KCNB2: variants seen among roughly 807,000 people sequenced by gnomAD.
KCNB2 encodes the protein delayed rectifier potassium channel protein.
KCNB2 carries 15 observed loss-of-function variants against 61.5 expected under a neutral mutation model. The ratio of observed to expected loss-of-function variants is 0.24; its 90% CI spans 0.16 to 0.38. The LOEUF (loss-of-function observed/expected upper bound fraction) is 0.38, where lower values mean the gene tolerates loss of function less well. KCNB2 is among the 10% of genes least tolerant of loss of function. The pLI is 1.00. For missense variants in KCNB2, 828 were observed against 1,125.2 expected, an observed-to-expected ratio of 0.74 and a Z score of 3.78; for synonymous variants, 457 against 446.0, an observed-to-expected ratio of 1.02 and a Z score of -0.31.
chr8:72,775,635 C>A (rs1334467703), intron 2 of KCNB2, among the ~76,000 whole-genome samples: 1 of 151,880 alleles, frequency 6.6e-6, no homozygotes, highest in East Asian at 1.9e-4. Context: ...CTTGGAGCAA[C>A]AGCAGAGAAG....
chr8:72,589,030 C>G (rs1334919319), intron 2 of KCNB2, among the ~76,000 whole-genome samples: 1 of 152,134 alleles, frequency 6.6e-6, no homozygotes, highest in African/African-American at 2.4e-5. Context: ...GCACACTGCT[C>G]CACTCAGGCA....
chr8:72,551,600 C>T (rs1250559444), intron 1 of KCNB2, among the ~76,000 whole-genome samples: 1 of 152,138 alleles, frequency 6.6e-6, no homozygotes, highest in Non-Finnish European at 1.5e-5. Flanking sequence ...TCTCTGAACT[C>T]AGGTCAAAAA....
At chr8:72,782,369 C>T (rs577874426) in intron 2 of KCNB2, among the ~76,000 whole-genome samples, 5 of 151,998 alleles carry the variant, frequency 3.3e-5, no homozygotes, top group Admixed American at 6.6e-5. Flanking sequence ...ATGTGTGTTC[C>T]GAGCTAGAGA....
intron 2 of KCNB2, among the ~76,000 whole-genome samples, chr8:72,585,364 C>T (rs1228103535): frequency 6.6e-6 from 1 of 152,164 alleles, no homozygotes; most frequent in Non-Finnish European, 1.5e-5. Flanking sequence ...TTCTTGACTG[C>T]ATTTTCTGTG....
At chr8:72,672,373 T>C (rs1284037592) in intron 2 of KCNB2, among the ~76,000 whole-genome samples, 4 of 152,190 alleles carry the variant, frequency 2.6e-5, no homozygotes, top group Non-Finnish European at 4.4e-5. Flanking sequence ...CCACTACAGT[T>C]GCAGCAAATT....
intron 2 of KCNB2, among the ~76,000 whole-genome samples, chr8:72,583,987 A>C (rs1378331739): frequency 1.3e-5 from 2 of 151,322 alleles, no homozygotes; most frequent in African/African-American, 4.8e-5. Context: ...CAAACCCAAA[A>C]CCAAAAATAC....
intron 2 of KCNB2, among the ~76,000 whole-genome samples, chr8:72,894,931 A>C (rs760022584): frequency 3.3e-5 from 5 of 152,188 alleles, no homozygotes; most frequent in Non-Finnish European, 5.9e-5. Flanking sequence ...TAATCAGGTG[A>C]GAATTTTCAT....
chr8:72,938,221 T>C lies in KCNB2; in HGVS notation c.*130T>C, dbSNP rs1806973181. 1.4e-6 allele frequency: 1 copy of C among 690,322 alleles called. No individual in the cohort carries two copies. Among genetic ancestry groups the C allele is most frequent in the South Asian group, 1.9e-5 (1 of 52,128 alleles). The allele number at this position is 690,322 out of a possible 1,614,324, so 42.8% of individuals were successfully genotyped here. A position where few individuals can be genotyped will look rare whatever the true frequency, so the allele number is the denominator to read the frequency against. The stretch of plus-strand genomic sequence containing the variant: ...CCCAAAAAAAGTGCATAAAATGTTA[T>C]TTTTGCATGGCATGAACAGTTTAGC... On this transcript the variant is annotated 3_prime_UTR_variant, in exon 3 of 3. Transcript: ENST00000523207.
chr8:72,728,518 C>T (rs188284328), intron 2 of KCNB2, among the ~76,000 whole-genome samples: 55 of 152,266 alleles, frequency 3.6e-4, no homozygotes, highest in Non-Finnish European at 6.9e-4. Context: ...TATTATGTTT[C>T]AAGCACCATA....
intron 2 of KCNB2, among the ~76,000 whole-genome samples, chr8:72,594,757 T>C (rs147943928): frequency 7.9e-5 from 12 of 152,316 alleles, no homozygotes; most frequent in African/African-American, 2.4e-4. Flanking sequence ...ACATGTTACT[T>C]ATAAAAGAGT....
At chr8:72,776,657 C>T (rs137934563) in intron 2 of KCNB2, among the ~76,000 whole-genome samples, 24 of 152,216 alleles carry the variant, frequency 1.6e-4, no homozygotes, top group Non-Finnish European at 4.4e-5. Flanking sequence ...GAGGGCTAGG[C>T]CTGAGGCAGA....
intron 2 of KCNB2, among the ~76,000 whole-genome samples, chr8:72,900,252 T>A (rs1250616943): frequency 1.3e-5 from 2 of 152,114 alleles, no homozygotes; most frequent in Non-Finnish European, 2.9e-5. Context: ...AGGAAAGAAC[T>A]CCCTATTCAA....
At chr8:72,837,032 A>G (rs1809794356) in intron 2 of KCNB2, among the ~76,000 whole-genome samples, 2 of 152,224 alleles carry the variant, frequency 1.3e-5, no homozygotes, top group Admixed American at 6.5e-5. Context: ...AGGTCTGAAC[A>G]TTTCTCCAGA....
At chr8:72,719,230 T>C (rs1288928452) in intron 2 of KCNB2, among the ~76,000 whole-genome samples, 1 of 152,154 alleles carries the variant, frequency 6.6e-6, no homozygotes, top group African/African-American at 2.4e-5. Flanking sequence ...GACCTGCACA[T>C]AACCCATGGT....
intron 2 of KCNB2, among the ~76,000 whole-genome samples, chr8:72,886,137 A>G (rs1219509258): frequency 6.6e-6 from 1 of 152,214 alleles, no homozygotes; most frequent in Non-Finnish European, 1.5e-5. Flanking sequence ...GTTTAAAAAC[A>G]TATTGCTTTT....
intron 2 of KCNB2, among the ~76,000 whole-genome samples, chr8:72,834,203 T>C (rs1809742136): frequency 6.6e-6 from 1 of 152,170 alleles, no homozygotes; most frequent in Admixed American, 6.6e-5. Flanking sequence ...CTTAGTGTCC[T>C]TAACTTCCTC....
At chr8:72,870,328 A>C (rs1049478591) in intron 2 of KCNB2, among the ~76,000 whole-genome samples, 2 of 152,212 alleles carry the variant, frequency 1.3e-5, no homozygotes, top group African/African-American at 4.8e-5. Flanking sequence ...AAGAGGGTAG[A>C]TCTCAAGTGT....
At chr8:72,900,653 A>T (rs1318397031) in intron 2 of KCNB2, among the ~76,000 whole-genome samples, 2 of 152,188 alleles carry the variant, frequency 1.3e-5, no homozygotes, top group Non-Finnish European at 2.9e-5. Context: ...ATCAATAAGC[A>T]AAAAACAAAT....
intron 2 of KCNB2, among the ~76,000 whole-genome samples, chr8:72,814,842 T>C (rs1015916825): frequency 2.0e-5 from 3 of 152,134 alleles, no homozygotes; most frequent in African/African-American, 7.2e-5. Context: ...GAATAAATAA[T>C]GCAAGATAAT....
Sources: gnomAD v4.1 joint callset for allele counts (sites outside exome capture counted in the v4.1 genomes callset) on GRCh38, gnomAD v4.1.1 for gene constraint, MANE v1.5 for transcripts, NCBI Gene and HGNC (gene_info 2026-07-23, HGNC 2026-07-21) for gene names.